The following KIAA1217 variants were observed in gnomAD, a reference collection of about 807,000 sequenced individuals.
KIAA1217 encodes the protein sickle tail protein homolog.
In KIAA1217, 88 loss-of-function variants were observed where a neutral mutation model predicts 163.9. The observed-to-expected ratio is 0.54, with a 90% confidence interval of 0.45 to 0.64. KIAA1217 has a LOEUF of 0.64. KIAA1217 is among the 30% of genes least tolerant of loss of function. KIAA1217 has a pLI of 0.00. For synonymous variants in KIAA1217, 903 were observed against 923.1 expected, an observed-to-expected ratio of 0.98 and a Z score of 0.39; for missense variants, 2,372 against 2,475.0, an observed-to-expected ratio of 0.96 and a Z score of 0.88.
Position 23,695,802 on chromosome 10 carries a change from G to T in KIAA1217, c.-321+568G>T, listed in dbSNP as rs1006854523. 6.6e-6 allele frequency among the ~76,000 whole-genome samples: 1 copy of T among 152,218 alleles called. No homozygotes were observed. The highest frequency in any genetic ancestry group is 6.5e-5 in the Admixed American group (1 of 15,292). ...GAGACGCTCCAGACTCTCCGGAGGCGGCAGAGGTCGAGGCAGGAGGCGAAT... is the reference window on the plus strand; with the variant it reads ...GAGACGCTCCAGACTCTCCGGAGGCTGCAGAGGTCGAGGCAGGAGGCGAAT... On this transcript the variant is annotated intron_variant, in intron 1 of 18. Transcript: ENST00000376462. This position sits in a 1 kb window ranked among gnomAD's most constrained non-coding sequence, Gnocchi z 4.9.
At chr10:24,434,216 T>G (rs1564672105) in intron 4 of KIAA1217, among the ~76,000 whole-genome samples, 2 of 151,916 alleles carry the variant, frequency 1.3e-5, no homozygotes, top group Non-Finnish European at 2.9e-5. Context: ...TTTTTCTATT[T>G]TTAGTAGGTA....
chr10:24,294,120 G>A (rs577120607), intron 2 of KIAA1217, among the ~76,000 whole-genome samples: 3 of 141,488 alleles, frequency 2.1e-5, no homozygotes, highest in Non-Finnish European at 3.0e-5. Context: ...CCTGGGAGGC[G>A]GAGCTTGCAG....
At chr10:24,260,933 A>G (rs950632190) in intron 2 of KIAA1217, among the ~76,000 whole-genome samples, 1 of 152,118 alleles carries the variant, frequency 6.6e-6, no homozygotes, top group East Asian at 1.9e-4. Context: ...TAGGACTGTC[A>G]TGAGGAAAGG....
chr10:24,019,140 A>G (rs563671478), intron 2 of KIAA1217, among the ~76,000 whole-genome samples: 1 of 152,232 alleles, frequency 6.6e-6, no homozygotes, highest in African/African-American at 2.4e-5. Flanking sequence ...CATGATGACT[A>G]TAATTAATGA....
At chr10:24,067,410 C>G (rs540883888) in intron 2 of KIAA1217, among the ~76,000 whole-genome samples, 1 of 152,322 alleles carries the variant, frequency 6.6e-6, no homozygotes, top group East Asian at 1.9e-4. Flanking sequence ...GAGGTCCACT[C>G]CAGACCCTGT....
chr10:24,237,291 C>T (rs1373019451), intron 2 of KIAA1217, among the ~76,000 whole-genome samples: 2 of 152,192 alleles, frequency 1.3e-5, no homozygotes, highest in Admixed American at 6.5e-5. Context: ...AAACACTTTC[C>T]CAGCTCTAAG....
chr10:24,202,385 G>A (rs964602896), intron 2 of KIAA1217, among the ~76,000 whole-genome samples: 1 of 152,142 alleles, frequency 6.6e-6, no homozygotes, highest in African/African-American at 2.4e-5. Flanking sequence ...GCAAAGCTCA[G>A]GGGAGAGAGC....
intron 4 of KIAA1217, among the ~76,000 whole-genome samples, chr10:24,437,694 C>A (rs11014089): frequency 6.6e-6 from 1 of 152,106 alleles, no homozygotes; most frequent in Admixed American, 6.5e-5. Context: ...CACCTTGGCT[C>A]TAAGAGCCGG....
chr10:24,466,815 G>A, intron 5 of KIAA1217: 3 of 982,454 alleles, frequency 3.1e-6, no homozygotes, highest in Non-Finnish European at 3.6e-6. Context: ...TTCTTTGAGG[G>A]TGAAAGAGTG....
intron 1 of KIAA1217, among the ~76,000 whole-genome samples, chr10:23,823,774 G>A (rs957724023): frequency 6.6e-6 from 1 of 152,126 alleles, no homozygotes; most frequent in Non-Finnish European, 1.5e-5. Flanking sequence ...TTAGTTCGGG[G>A]TAATGGCAAG....
At position 24,224,124 on chromosome 10, in the gene KIAA1217, A is replaced by C. The variant is rs143982582; in HGVS notation, c.354+4215A>C. ...TCTTCAAAAAATGCGGGTGGCCCTT[A>C]TTGCAACATAATGCTGATCTGCATA... On this transcript the variant is annotated intron_variant, in intron 2 of 20. Transcript: ENST00000376454. Among the ~76,000 whole-genome samples, 50 of 152,242 alleles carry C rather than the reference A, an allele frequency of 3.3e-4. 1 individual carries two copies. Among genetic ancestry groups the C allele is most frequent in the African/African-American group, 1.1e-3 (45 of 41,542 alleles).
At chr10:23,769,037 A>G (rs1216098706) in intron 1 of KIAA1217, among the ~76,000 whole-genome samples, 5 of 152,224 alleles carry the variant, frequency 3.3e-5, no homozygotes, top group African/African-American at 1.2e-4. Context: ...TTATTAAGAC[A>G]GGGGAATTGC....
chr10:24,432,423 T>A (rs2059676923), intron 3 of KIAA1217, among the ~76,000 whole-genome samples: 1 of 151,796 alleles, frequency 6.6e-6, no homozygotes, highest in Non-Finnish European at 1.5e-5. Context: ...TGGCCAAGTA[T>A]TGTCTTTTGC....
chr10:24,243,171 G>C (rs894360718), intron 2 of KIAA1217, among the ~76,000 whole-genome samples: 2 of 152,148 alleles, frequency 1.3e-5, no homozygotes, highest in African/African-American at 4.8e-5. Flanking sequence ...GAATCACAAA[G>C]CTGCAATTTT....
At chr10:23,941,682 G>C (rs1300458675) in intron 1 of KIAA1217, among the ~76,000 whole-genome samples, 1 of 152,110 alleles carries the variant, frequency 6.6e-6, no homozygotes, top group East Asian at 1.9e-4. Context: ...AACATACATG[G>C]AGAATCCCAG....
chr10:24,349,378 G>C (rs2048186697), intron 2 of KIAA1217, among the ~76,000 whole-genome samples: 1 of 152,180 alleles, frequency 6.6e-6, no homozygotes, highest in Admixed American at 6.5e-5. Flanking sequence ...TTTGAGTACA[G>C]GTTGGAGAAT....
At chr10:23,759,322 G>GTT (rs35510859) in intron 1 of KIAA1217, among the ~76,000 whole-genome samples, 8 of 152,000 alleles carry the variant, frequency 5.3e-5, no homozygotes, top group Non-Finnish European at 1.0e-4. Context: ...AATAATTAGG[G>GTT]TTTTTTACAT....
At chr10:23,880,680 G>T (rs530742133) in intron 1 of KIAA1217, among the ~76,000 whole-genome samples, 1 of 151,924 alleles carries the variant, frequency 6.6e-6, no homozygotes, top group African/African-American at 2.4e-5. Flanking sequence ...ATTATTATGC[G>T]TGGCATGCTT....
chr10:24,287,661 T>A (rs2078675849), intron 2 of KIAA1217, among the ~76,000 whole-genome samples: 2 of 152,042 alleles, frequency 1.3e-5, no homozygotes, highest in African/African-American at 2.4e-5. Context: ...GTTAATAAGA[T>A]TTTTTTTAGC....
Sources: gnomAD v4.1 joint callset for allele counts (sites outside exome capture counted in the v4.1 genomes callset) on GRCh38, gnomAD v4.1.1 for gene constraint, Gnocchi (gnomAD v3.1) non-coding constraint, MANE v1.5 for transcripts, NCBI Gene and HGNC (gene_info 2026-07-23, HGNC 2026-07-21) for gene names.